The following TRIM4 variants were observed in gnomAD, a reference collection of about 807,000 sequenced individuals.
TRIM4 encodes the protein E3 ubiquitin-protein ligase TRIM4.
Under a neutral mutation model 33.7 loss-of-function variants are expected in TRIM4, and 29 were observed. That is an observed-to-expected ratio of 0.86 (90% CI 0.64 to 1.17). The LOEUF (loss-of-function observed/expected upper bound fraction) is 1.17, where lower values mean the gene tolerates loss of function less well. Among genes scored for constraint, TRIM4 ranks in the 50% most tolerant of loss-of-function variants. The pLI, the probability that TRIM4 is intolerant of heterozygous loss-of-function variation, is 0.00. For missense variants in TRIM4, 554 were observed against 593.7 expected (o/e 0.93, Z 0.69); for synonymous variants, 224 against 233.0 (o/e 0.96, Z 0.35).
At chr7:99,909,523 G>T in intron 2 of TRIM4, 42 bp downstream of exon 2, 1 of 1,571,296 alleles carries the variant, frequency 6.4e-7, no homozygotes, top group Non-Finnish European at 8.7e-7. Context: ...CAGACCAAAA[G>T]GACCTCAGGA....
At chr7:99,902,158 T>G (rs1819190047) in intron 5 of TRIM4, 1 of 765,268 alleles carries the variant, frequency 1.3e-6, no homozygotes, top group Non-Finnish European at 2.4e-6. Context: ...TTTGTTTTTG[T>G]GTTTTTATTT....
chr7:99,913,235 T>C (rs1243661871), intron 1 of TRIM4, among the ~76,000 whole-genome samples: 1 of 152,230 alleles, frequency 6.6e-6, no homozygotes, highest in African/African-American at 2.4e-5. Context: ...AGTTGGAATC[T>C]AAACTGGGAG....
intron 3 of TRIM4, among the ~76,000 whole-genome samples, chr7:99,905,379 T>C (rs537952778): frequency 5.3e-4 from 81 of 152,356 alleles, no homozygotes; most frequent in African/African-American, 1.8e-3. Context: ...ATACAACTGA[T>C]AGAAATGTAT....
At chr7:99,911,740 GTAAAAC>G (rs1388575347) in intron 1 of TRIM4, among the ~76,000 whole-genome samples, 3 of 152,182 alleles carry the variant, frequency 2.0e-5, no homozygotes. Context: ...AAGGTTCAGT[GTAAAAC>G]TAAACATACA....
Position 99,903,198 on chromosome 7 carries a change from G to C in TRIM4, c.841+20C>G. The C allele has an allele frequency of 6.3e-7, 1 of 1,581,000 alleles. No individual in the cohort carries two copies. On this transcript the variant is annotated intron_variant, in intron 5 of 5. Coordinates refer to ENST00000349062, the MANE Select transcript of TRIM4 (RefSeq NM_033091.3). ...TTGAAAGATTTCTAAGGAGCCCCAA[G>C]TCCTAGAAATTCTGCTCACCTTGGA...
At chr7:99,897,810 CT>C (rs1466311854) in intron 5 of TRIM4, among the ~76,000 whole-genome samples, 10 of 152,334 alleles carry the variant, frequency 6.6e-5, no homozygotes, top group African/African-American at 2.4e-4. Context: ...GCCCAATCCA[CT>C]TTGTATTATA....
Position 99,919,376 on chromosome 7 carries a change from T to G in TRIM4, c.26A>C (p.Glu9Ala). Reference sequence around the variant, plus strand: ...GTCCAGGCAGATGGGGCAGGTCAACTCCTCCTGGATGTCCTCAGCTTCCAT... The same window carrying G: ...GTCCAGGCAGATGGGGCAGGTCAACGCCTCCTGGATGTCCTCAGCTTCCAT... MEAEDIQE[E>A]LTCPICLDYF... Residue 9 changes from glutamate to alanine, a missense_variant, in exon 1 of 6, where the codon GAG (glutamate) becomes GCG (alanine). Around this residue, in one of 3 missense-constraint regions of TRIM4, gnomAD observed 233 missense variants for 203.1 expected, o/e 1.15. Coordinates refer to ENST00000349062, the MANE Select transcript of TRIM4 (RefSeq NM_033091.3). 6.4e-7 allele frequency: 1 copy of G among 1,574,462 alleles called. No individual in the cohort carries two copies. The highest frequency in any genetic ancestry group is 8.6e-7 in the Non-Finnish European group (1 of 1,162,276).
intron 1 of TRIM4, chr7:99,916,731 TA>T: frequency 1.3e-6 from 1 of 781,064 alleles, no homozygotes; most frequent in Non-Finnish European, 2.4e-6. Flanking sequence ...AAGAGCAGCC[TA>T]ATTAGTCTTC....
In TRIM4 at chr7:99,919,189, A is replaced by C. The variant is rs1008725701; in HGVS notation, c.213T>G (p.Thr71=). ...CCAGGCGCCGGCGCTGCGTCTTCTCAGTCAGCCTGGCCAGGGCCCAGTTGG... is the reference window on the plus strand; with the variant it reads ...CCAGGCGCCGGCGCTGCGTCTTCTCCGTCAGCCTGGCCAGGGCCCAGTTGG... The part of the protein sequence containing the change: ...LRPNWALARL[T]EKTQRRRLGP... Residue 71 remains threonine (T), a synonymous_variant, in exon 1 of 6, where the codon ACT becomes ACG. Transcript: ENST00000349062. 4.7e-6 allele frequency: 7 copies of C among 1,483,372 alleles called. No individual in the cohort carries two copies. In the Admixed American group the frequency reaches 1.5e-4, roughly 31 times the overall value. 91.9% of individuals were successfully genotyped at this position (1,483,372 alleles called of 1,614,324 possible).
chr7:99,906,729 C>G (rs1431020405), intron 3 of TRIM4, among the ~76,000 whole-genome samples: 5 of 151,960 alleles, frequency 3.3e-5, no homozygotes. Context: ...CTGTAATCCC[C>G]GAACACTTTG....
Position 99,919,151 on chromosome 7 carries a change from G to C in TRIM4, c.251C>G (p.Pro84Arg). 1.3e-6 allele frequency: 2 copies of C among 1,489,686 alleles called. No homozygotes were observed. Among genetic ancestry groups the C allele is most frequent in the Non-Finnish European group, 8.9e-7 (1 of 1,120,734 alleles). The allele number at this position is 1,489,686 out of a possible 1,614,324, so 92.3% of individuals were successfully genotyped here. ...TQRRRLGPVP[P>R]GLCGRHWEPL... ...CTCCCAGTGGCGGCCGCACAGGCCC[G>C]GGGGCACGGGGCCCAGGCGCCGGCG... The change falls in exon 1 of 6, where the codon CCG (proline) becomes CGG (arginine). Residue 84 changes from proline to arginine, a missense_variant. Coordinates refer to ENST00000349062, the MANE Select transcript of TRIM4 (RefSeq NM_033091.3).
rs201965995 is a variant in TRIM4, at chr7:99,908,657, T to G, written c.645A>C (p.Gln215His). The change falls in exon 3 of 6, where the codon CAA becomes CAC. Residue 215 changes from glutamine to histidine, a missense_variant. By Grantham distance (24) the Gln-to-His change is conservative. Coordinates refer to ENST00000349062, the MANE Select transcript of TRIM4 (RefSeq NM_033091.3). ...TGAGCTTCTTCAATGAAGCGATAGT[T>G]TGATTGAGTTTTAACGTGTTCTCAT... ...KLNENTLKLN[Q>H]TIASLKKLIL... 3.1e-6 allele frequency: 5 copies of G among 1,614,072 alleles called. No individual in the cohort carries two copies. Among genetic ancestry groups the G allele is most frequent in the African/African-American group, 1.3e-5 (1 of 74,930 alleles).
intron 1 of TRIM4, 73 bp from the exon 2 acceptor site, chr7:99,909,733 T>TG: frequency 1.2e-4 from 107 of 897,230 alleles, no homozygotes; most frequent in East Asian, 3.6e-4. Context: ...CTTTTTGTTT[T>TG]TTTTTTTTTT....
intron 3 of TRIM4, among the ~76,000 whole-genome samples, chr7:99,907,795 A>G (rs984315489): frequency 6.6e-6 from 1 of 152,234 alleles, no homozygotes; most frequent in Non-Finnish European, 1.5e-5. Context: ...AAAAAAAAAT[A>G]GTAATGGTAG....
At chr7:99,905,597 T>C (rs1819283277) in intron 3 of TRIM4, among the ~76,000 whole-genome samples, 1 of 152,174 alleles carries the variant, frequency 6.6e-6, no homozygotes, top group Non-Finnish European at 1.5e-5. Context: ...GCATGTCCTG[T>C]GCATTACAGA....
At chr7:99,902,137 A>G (rs1269655708) in intron 5 of TRIM4, 3 of 765,060 alleles carry the variant, frequency 3.9e-6, no homozygotes, top group South Asian at 1.3e-5. Context: ...TGTTTCACAT[A>G]TTGTGCCTGT....
At chr7:99,907,595 C>G (rs1009181849) in intron 3 of TRIM4, among the ~76,000 whole-genome samples, 4 of 152,180 alleles carry the variant, frequency 2.6e-5, no homozygotes, top group African/African-American at 9.7e-5. Flanking sequence ...TATGTACTTG[C>G]AACTGCATTG....
intron 5 of TRIM4, among the ~76,000 whole-genome samples, chr7:99,894,277 A>G (rs1818961581): frequency 6.6e-6 from 1 of 152,156 alleles, no homozygotes. Flanking sequence ...TCACAGAAAG[A>G]ATTGGGAAAT....
intron 3 of TRIM4, among the ~76,000 whole-genome samples, chr7:99,905,303 T>C (rs1819274285): frequency 6.6e-6 from 1 of 152,122 alleles, no homozygotes; most frequent in Non-Finnish European, 1.5e-5. Context: ...TTGAAAATGG[T>C]TTGGAATCAT....
Sources: gnomAD v4.1 joint callset for allele counts (sites outside exome capture counted in the v4.1 genomes callset) on GRCh38, gnomAD v4.1.1 for gene constraint, gnomAD v4.1.1 regional missense constraint, MANE v1.5 for transcripts, NCBI Gene and HGNC (gene_info 2026-07-23, HGNC 2026-07-21) for gene names.